ZFHX3: variants seen among roughly 807,000 people sequenced by gnomAD.
The protein encoded by ZFHX3 is zinc finger homeobox protein 3.
A neutral mutation model predicts 279.1 loss-of-function variants in ZFHX3; 42 were observed. That is an observed-to-expected ratio of 0.15 (90% CI 0.12 to 0.19). The LOEUF (loss-of-function observed/expected upper bound fraction) is 0.19. Ranked by LOEUF, ZFHX3 falls within the 10% of genes least tolerant of loss-of-function variation. ZFHX3 has a pLI of 1.00. For synonymous variants in ZFHX3, 2,293 were observed against 1,957.8 expected (o/e 1.17, Z -4.52); for missense variants, 4,981 against 4,754.0 (o/e 1.05, Z -1.40).
At chr16:73,800,445 G>A (rs1960112242) in intron 1 of ZFHX3, among the ~76,000 whole-genome samples, 1 of 152,058 alleles carries the variant, frequency 6.6e-6, no homozygotes, top group African/African-American at 2.4e-5. Context: ...TCGAACTCCT[G>A]ACCTCAGGTG....
At chr16:73,355,333 C>T (rs543477326) in intron 3 of ZFHX3, among the ~76,000 whole-genome samples, 30 of 152,258 alleles carry the variant, frequency 2.0e-4, no homozygotes, top group African/African-American at 6.3e-4. Flanking sequence ...TAAGAGGAAA[C>T]CTGGCTTAAA....
intron 2 of ZFHX3, chr16:73,500,072 G>T (rs547809056): frequency 6.6e-6 from 1 of 152,312 alleles, no homozygotes; most frequent in South Asian, 2.1e-4. Flanking sequence ...TTATTTTAGA[G>T]TGTGCTCCCT....
At chr16:73,775,616 A>G (rs1351078654) in intron 1 of ZFHX3, among the ~76,000 whole-genome samples, 2 of 152,126 alleles carry the variant, frequency 1.3e-5, no homozygotes, top group African/African-American at 4.8e-5. Flanking sequence ...AACCTCTAAC[A>G]CTGATGAAAA....
At chr16:73,178,342 T>C (rs528208424) in intron 5 of ZFHX3, among the ~76,000 whole-genome samples, 1 of 152,256 alleles carries the variant, frequency 6.6e-6, no homozygotes, top group African/African-American at 2.4e-5. Flanking sequence ...TTTGACCATG[T>C]TGACCAGGCT....
intron 5 of ZFHX3, among the ~76,000 whole-genome samples, chr16:73,241,473 G>T (rs1188057613): frequency 6.6e-6 from 1 of 152,114 alleles, no homozygotes; most frequent in Non-Finnish European, 1.5e-5. Flanking sequence ...AGTGTAGTGA[G>T]ATTCAGAAAC....
chr16:73,540,203 C>T (rs894657156), intron 2 of ZFHX3, among the ~76,000 whole-genome samples: 5 of 152,158 alleles, frequency 3.3e-5, no homozygotes, highest in African/African-American at 7.2e-5. Context: ...AAGAGGAAAA[C>T]GTCTTTAGCA....
chr16:73,552,523 CAGTT>C (rs1220166307), intron 2 of ZFHX3, among the ~76,000 whole-genome samples: 2 of 152,146 alleles, frequency 1.3e-5, no homozygotes, highest in Non-Finnish European at 2.9e-5. Flanking sequence ...GATTTTAAAA[CAGTT>C]AGAAACTGCA....
intron 5 of ZFHX3, among the ~76,000 whole-genome samples, chr16:73,205,808 G>C (rs1231720193): frequency 6.6e-6 from 1 of 152,144 alleles, no homozygotes; most frequent in East Asian, 1.9e-4. Context: ...CATCAGCCTT[G>C]TAATAAATTA....
rs1222970502 is a variant in ZFHX3, at chr16:72,959,426, G to A, written c.720C>T (p.Ser240=). 2.5e-6 allele frequency: 4 copies of A among 1,614,236 alleles called. No individual in the cohort carries two copies. The highest frequency in any genetic ancestry group is 3.4e-6 in the Non-Finnish European group (4 of 1,180,038). ...CGTCGCTGTTCAGGTAATCCTTGTTGCTTTTGTGTCGCACGTCAAACACGC... is the reference window on the plus strand; with the variant it reads ...CGTCGCTGTTCAGGTAATCCTTGTTACTTTTGTGTCGCACGTCAAACACGC... ...SFRVFDVRHK[S]NKDYLNSDGS... The change falls in exon 2 of 10, where the codon AGC becomes AGT. Residue 240 remains serine (S), a synonymous_variant. Transcript: ENST00000268489.
At chr16:73,207,087 G>A (rs983001223) in intron 5 of ZFHX3, among the ~76,000 whole-genome samples, 3 of 150,846 alleles carry the variant, frequency 2.0e-5, no homozygotes, top group Non-Finnish European at 1.5e-5. Flanking sequence ...ATAAAAAAAA[G>A]TACCTATTTA....
intron 3 of ZFHX3, among the ~76,000 whole-genome samples, chr16:72,918,296 G>A (rs985475054): frequency 6.6e-6 from 1 of 152,198 alleles, no homozygotes; most frequent in Admixed American, 6.5e-5. Context: ...TTTGCATTCA[G>A]GAGGATGGGG....
intron 1 of ZFHX3, among the ~76,000 whole-genome samples, chr16:73,739,349 T>C (rs1009310110): frequency 6.6e-6 from 1 of 152,242 alleles, no homozygotes; most frequent in Admixed American, 6.5e-5. Context: ...CATTTTGAGC[T>C]GGTTATTCTT....
chr16:72,789,061 T>C, intron 9 of ZFHX3: 2 of 456,114 alleles, frequency 4.4e-6, no homozygotes, highest in East Asian at 3.4e-5. Context: ...TCAGCTCCCA[T>C]ACTTCCCCTT....
intron 8 of ZFHX3, among the ~76,000 whole-genome samples, chr16:73,070,579 G>C (rs909657690): frequency 1.3e-4 from 20 of 152,208 alleles, no homozygotes; most frequent in African/African-American, 4.8e-4. Context: ...GGACGCAGCA[G>C]AGAGGAAAGG....
intron 3 of ZFHX3, among the ~76,000 whole-genome samples, chr16:72,919,479 G>T (rs190338889): frequency 1.3e-5 from 2 of 152,132 alleles, no homozygotes; most frequent in East Asian, 1.9e-4. Context: ...ACTTCAAAGG[G>T]TTCTCTCACT....
intron 3 of ZFHX3, among the ~76,000 whole-genome samples, chr16:73,440,474 A>G (rs1243013235): frequency 2.6e-5 from 4 of 152,182 alleles, no homozygotes; most frequent in African/African-American, 7.2e-5. Flanking sequence ...GCACCAATTA[A>G]CCATTCCCAT....
chr16:72,961,766 T>C (rs1961590028), intron 1 of ZFHX3, among the ~76,000 whole-genome samples: 1 of 152,184 alleles, frequency 6.6e-6, no homozygotes. Context: ...ATGATGTGTC[T>C]AATACACACA....
intron 3 of ZFHX3, among the ~76,000 whole-genome samples, chr16:73,355,808 G>A (rs1211494762): frequency 6.6e-6 from 1 of 152,178 alleles, no homozygotes; most frequent in Non-Finnish European, 1.5e-5. Context: ...CTGCTGATCT[G>A]TTCCAACAGA....
chr16:73,353,743 G>T (rs969185126), intron 3 of ZFHX3, among the ~76,000 whole-genome samples: 1 of 151,988 alleles, frequency 6.6e-6, no homozygotes, highest in African/African-American at 2.4e-5. Context: ...AAAGGAAGCA[G>T]GAGAAAAAGA....
Sources: allele counts gnomAD v4.1 joint callset (sites outside exome capture counted in the v4.1 genomes callset), GRCh38; gene constraint gnomAD v4.1.1; transcripts MANE v1.5; gene names NCBI Gene and HGNC (gene_info 2026-07-23, HGNC 2026-07-21).